Variants in SHISA6 observed in about 807,000 individuals in gnomAD.
SHISA6 encodes the protein shisa family member 6, also known as protein shisa-6.
In SHISA6, 22 loss-of-function variants were observed where a neutral mutation model predicts 47.9. That is an observed-to-expected ratio of 0.46 (90% CI 0.33 to 0.66). The LOEUF (loss-of-function observed/expected upper bound fraction) is 0.66, where lower values mean the gene tolerates loss of function less well. Among genes scored for constraint, SHISA6 ranks in the 30% least tolerant of loss-of-function variants. The pLI is 0.02. For synonymous variants in SHISA6, 388 were observed against 337.8 expected, an observed-to-expected ratio of 1.15 and a Z score of -1.63; for missense variants, 680 against 764.6, an observed-to-expected ratio of 0.89 and a Z score of 1.30.
intron 2 of SHISA6, among the ~76,000 whole-genome samples, chr17:11,349,920 C>T (rs72807111): frequency 0.12 from 17,490 of 151,980 alleles, 1,496 homozygotes; most frequent in East Asian, 0.29. Context: ...TGTTAATAAA[C>T]GTTAAGGGGA....
intron 3 of SHISA6, among the ~76,000 whole-genome samples, chr17:11,541,059 T>C (rs376665633): frequency 6.6e-6 from 1 of 152,254 alleles, no homozygotes; most frequent in African/African-American, 2.4e-5. Context: ...TTCACTTCTC[T>C]GAACCTCTTT....
intron 2 of SHISA6, among the ~76,000 whole-genome samples, chr17:11,291,255 T>C (rs1376056042): frequency 4.6e-5 from 7 of 151,558 alleles, no homozygotes; most frequent in African/African-American, 1.7e-4. Flanking sequence ...GATCATAAGT[T>C]ACTGGTGGCT....
chr17:11,276,078 A>G (rs1163753467), intron 2 of SHISA6, among the ~76,000 whole-genome samples: 1 of 152,032 alleles, frequency 6.6e-6, no homozygotes, highest in Non-Finnish European at 1.5e-5. Flanking sequence ...CTGGGGTTCA[A>G]GCAATTCTCC....
intron 2 of SHISA6, among the ~76,000 whole-genome samples, chr17:11,325,347 A>G (rs960617574): frequency 2.0e-5 from 3 of 152,158 alleles, no homozygotes; most frequent in Non-Finnish European, 4.4e-5. Context: ...CATCTGCAAT[A>G]TTTCCTAAGC....
intron 2 of SHISA6, chr17:11,290,865 G>A (rs982580565): frequency 6.6e-6 from 1 of 151,956 alleles, no homozygotes; most frequent in Admixed American, 6.6e-5. Flanking sequence ...TGGGACTTTC[G>A]TGTCTGCTTC....
chr17:11,517,940 T>C lies in SHISA6; in HGVS notation c.896-33956T>C, dbSNP rs73286867. Among the ~76,000 whole-genome samples the C allele has an allele frequency of 4.3e-3, 655 of 152,194 alleles. 3 individuals are homozygous for C. The highest frequency in any genetic ancestry group is 0.015 in the African/African-American group (620 of 41,532). Reference sequence around the variant, plus strand: ...TGTCCTCCTGAGATGCTGTGCCCTCTTGGTTTCTATGAACCTCTGTAGGGT... The same window carrying C: ...TGTCCTCCTGAGATGCTGTGCCCTCCTGGTTTCTATGAACCTCTGTAGGGT... On this transcript the variant is annotated intron_variant, in intron 3 of 5. Coordinates refer to ENST00000441885, the MANE Select transcript of SHISA6 (RefSeq NM_207386.4).
intron 2 of SHISA6, among the ~76,000 whole-genome samples, chr17:11,337,855 A>G (rs1265894748): frequency 2.0e-5 from 3 of 152,152 alleles, no homozygotes; most frequent in Non-Finnish European, 2.9e-5. Flanking sequence ...ATGTGTAATA[A>G]TTATTAGTCA....
chr17:11,441,975 A>C (rs952024053), intron 3 of SHISA6, among the ~76,000 whole-genome samples: 3 of 152,198 alleles, frequency 2.0e-5, no homozygotes, highest in Non-Finnish European at 2.9e-5. Flanking sequence ...GCAACTCCTC[A>C]GAGGTAGCCA....
intron 2 of SHISA6, among the ~76,000 whole-genome samples, chr17:11,358,500 C>T (rs1193949422): frequency 6.6e-6 from 1 of 151,524 alleles, no homozygotes; most frequent in Non-Finnish European, 1.5e-5. Flanking sequence ...GCTGGGACTA[C>T]AGGCGCCCGC....
intron 2 of SHISA6, among the ~76,000 whole-genome samples, chr17:11,332,981 C>A (rs1036333018): frequency 1.3e-5 from 2 of 152,128 alleles, no homozygotes; most frequent in African/African-American, 4.8e-5. Context: ...AGATGGTGAT[C>A]CAGGAGCCTG....
intron 3 of SHISA6, among the ~76,000 whole-genome samples, chr17:11,396,559 G>C (rs187399467): frequency 6.6e-6 from 1 of 152,134 alleles, no homozygotes; most frequent in Admixed American, 6.5e-5. Context: ...TTGAGGAATC[G>C]CCACACTGTC....
chr17:11,316,694 A>G (rs1910537259), intron 2 of SHISA6, among the ~76,000 whole-genome samples: 2 of 152,060 alleles, frequency 1.3e-5, no homozygotes, highest in Non-Finnish European at 2.9e-5. Context: ...TGTTGGGATT[A>G]TAGGAGTGAG....
At chr17:11,454,058 C>G (rs2031814761) in intron 3 of SHISA6, among the ~76,000 whole-genome samples, 1 of 152,164 alleles carries the variant, frequency 6.6e-6, no homozygotes, top group South Asian at 2.1e-4. Context: ...TAAGTTAAAT[C>G]AGTAATCCGT....
At chr17:11,425,699 C>T (rs1375892006) in intron 3 of SHISA6, among the ~76,000 whole-genome samples, 1 of 152,118 alleles carries the variant, frequency 6.6e-6, no homozygotes, top group African/African-American at 2.4e-5. Flanking sequence ...TCAAGAACCT[C>T]AGGTAATTTT....
intron 3 of SHISA6, among the ~76,000 whole-genome samples, chr17:11,395,264 A>G (rs2142259170): frequency 6.6e-6 from 1 of 152,072 alleles, no homozygotes; most frequent in South Asian, 2.1e-4. Flanking sequence ...GTGTAAAAAG[A>G]AAAATGTTTT....
In SHISA6 at chr17:11,557,860, G is replaced by A. The variant is rs929509510; in HGVS notation, c.1212G>A (p.Pro404=). ...TCATCCAGATGTCCCAACAGAAGCC[G>A]TTGCCAAGGGAACGACCCCGCCGGC... ...LNVIQMSQQK[P]LPRERPRRPI... Residue 404 remains proline (P), a synonymous_variant, in exon 6 of 6, where the codon CCG becomes CCA. Transcript: ENST00000441885. 9.7e-6 allele frequency: 15 copies of A among 1,551,302 alleles called. No individual in the cohort carries two copies. Among genetic ancestry groups the A allele is most frequent in the Middle Eastern group, 1.7e-4 (1 of 6,014 alleles).
At chr17:11,540,418 A>G (rs2071823673) in intron 3 of SHISA6, among the ~76,000 whole-genome samples, 1 of 152,160 alleles carries the variant, frequency 6.6e-6, no homozygotes, top group Non-Finnish European at 1.5e-5. Flanking sequence ...TCTCTCAACT[A>G]AAGATCAGAG....
chr17:11,397,854 T>G (rs889589058), intron 3 of SHISA6, among the ~76,000 whole-genome samples: 23 of 152,154 alleles, frequency 1.5e-4, no homozygotes, highest in Non-Finnish European at 3.4e-4. Flanking sequence ...GCTTTTTTCA[T>G]ACGTACCTTA....
chr17:11,516,514 A>G (rs914509046), intron 3 of SHISA6, among the ~76,000 whole-genome samples: 1 of 152,214 alleles, frequency 6.6e-6, no homozygotes, highest in African/African-American at 2.4e-5. Context: ...ATGTGCTGGT[A>G]GACAAGCTGA....
Sources: gnomAD v4.1 joint callset for allele counts (sites outside exome capture counted in the v4.1 genomes callset) on GRCh38, gnomAD v4.1.1 for gene constraint, MANE v1.5 for transcripts, NCBI Gene and HGNC (gene_info 2026-07-23, HGNC 2026-07-21) for gene names.